RALGAPA1: variants seen among roughly 807,000 people sequenced by gnomAD.
RALGAPA1 encodes the protein Ral GTPase activating protein catalytic subunit alpha 1, also known as ral GTPase-activating protein subunit alpha-1.
A neutral mutation model predicts 269.6 loss-of-function variants in RALGAPA1; 52 were observed. The observed-to-expected ratio is 0.19, with a 90% CI of 0.15 to 0.24. The LOEUF is 0.24. Ranked by LOEUF, RALGAPA1 falls within the 10% of genes least tolerant of loss-of-function variation. RALGAPA1 has a pLI of 1.00. For synonymous variants in RALGAPA1, 817 were observed against 1,008.3 expected, an observed-to-expected ratio of 0.81 and a Z score of 3.60; for missense variants, 1,917 against 3,013.9, an observed-to-expected ratio of 0.64 and a Z score of 8.52.
chr14:35,570,552 G>C (rs1341871369), intron 39 of RALGAPA1, 65 bp downstream of exon 39: 1 of 1,303,948 alleles, frequency 7.7e-7, no homozygotes, highest in African/African-American at 1.5e-5. Context: ...CAATATATAA[G>C]AAATATTTAC....
At chr14:35,578,175 G>A (rs952938896) in intron 37 of RALGAPA1, among the ~76,000 whole-genome samples, 1 of 152,148 alleles carries the variant, frequency 6.6e-6, no homozygotes, top group African/African-American at 2.4e-5. Flanking sequence ...GTACAGTGGA[G>A]GAGACAGAGT....
At chr14:35,545,044 A>C (rs1566642547) in intron 41 of RALGAPA1, among the ~76,000 whole-genome samples, 1 of 152,190 alleles carries the variant, frequency 6.6e-6, no homozygotes, top group African/African-American at 2.4e-5. Context: ...AAACAAAAAC[A>C]AAAACCAAAC....
intron 1 of RALGAPA1, among the ~76,000 whole-genome samples, chr14:35,794,625 T>C (rs1567245737): frequency 6.6e-6 from 1 of 151,842 alleles, no homozygotes; most frequent in Non-Finnish European, 1.5e-5. Context: ...CCCGGCTAAT[T>C]TTTTTGTATT....
At chr14:35,595,250 T>C (rs1198496921) in intron 37 of RALGAPA1, among the ~76,000 whole-genome samples, 1 of 151,966 alleles carries the variant, frequency 6.6e-6, no homozygotes, top group East Asian at 1.9e-4. Flanking sequence ...AAAAATTGTA[T>C]GGTATTTGGA....
chr14:35,566,705 ATAAG>A (rs1352623364), intron 39 of RALGAPA1, among the ~76,000 whole-genome samples: 6 of 151,788 alleles, frequency 4.0e-5, no homozygotes, highest in African/African-American at 1.4e-4. Context: ...TGTTTCTGAA[ATAAG>A]TATTTATTTA....
intron 26 of RALGAPA1, among the ~76,000 whole-genome samples, chr14:35,670,025 G>A (rs1297810228): frequency 2.6e-5 from 4 of 152,178 alleles, no homozygotes. Context: ...GAAAAACAGG[G>A]TTATACAGCT....
At chr14:35,630,889 A>C (rs1237325267) in intron 33 of RALGAPA1, among the ~76,000 whole-genome samples, 1 of 152,082 alleles carries the variant, frequency 6.6e-6, no homozygotes, top group Non-Finnish European at 1.5e-5. Context: ...TAAAAAAGAA[A>C]ATAAATAAAT....
At position 35,723,283 on chromosome 14, in the gene RALGAPA1, G is replaced by T; in HGVS notation, c.1867-19C>A. 7.3e-7 allele frequency: 1 copy of T among 1,367,500 alleles called. No individual in the cohort carries two copies. Among genetic ancestry groups the T allele is most frequent in the Non-Finnish European group, 1.0e-6 (1 of 978,786 alleles). 84.7% of individuals were successfully genotyped at this position (1,367,500 alleles called of 1,614,324 possible). A position where few individuals can be genotyped will look rare whatever the true frequency, so the allele number is the denominator to read the frequency against. ...TAAGGGTCTATAAAGACAAATATCA[G>T]AAATAACAATAAAATGTGTTTAGTG... On this transcript the variant is annotated intron_variant, in intron 14 of 41. Coordinates refer to ENST00000680220, the MANE Select transcript of RALGAPA1 (RefSeq NM_001346249.2).
Position 35,690,797 on chromosome 14 carries a change from C to A in RALGAPA1, c.2408-794G>T, listed in dbSNP as rs142971957. On this transcript the variant is annotated intron_variant, in intron 17 of 41. Coordinates refer to ENST00000680220, the MANE Select transcript of RALGAPA1 (RefSeq NM_001346249.2). The stretch of plus-strand genomic sequence containing the variant: ...CTTTTTAAGAATTATAGGCTGGGCG[C>A]GGTGGCTCACACCTATAATCCCAGC... 4.4e-3 allele frequency among the ~76,000 whole-genome samples: 665 copies of A among 152,126 alleles called. 5 individuals carry two copies. The highest frequency in any genetic ancestry group is 0.015 in the African/African-American group (637 of 41,504).
intron 37 of RALGAPA1, among the ~76,000 whole-genome samples, chr14:35,591,171 TC>T (rs1235164109): frequency 5.3e-5 from 8 of 152,318 alleles, no homozygotes; most frequent in African/African-American, 1.9e-4. Flanking sequence ...TCAATATCAT[TC>T]TATGATACCC....
chr14:35,728,329 A>T (rs1313785277), intron 13 of RALGAPA1, 33 bp downstream of exon 13: 1 of 1,496,276 alleles, frequency 6.7e-7, no homozygotes, highest in Non-Finnish European at 8.9e-7. Context: ...CACAATAAAA[A>T]CACATAGACA....
chr14:35,681,670 A>T (rs939522068), intron 21 of RALGAPA1, among the ~76,000 whole-genome samples: 1 of 152,174 alleles, frequency 6.6e-6, no homozygotes, highest in African/African-American at 2.4e-5. Flanking sequence ...TTTTTTAAAC[A>T]CACCCACCTT....
intron 7 of RALGAPA1, among the ~76,000 whole-genome samples, chr14:35,754,047 G>A (rs752825274): frequency 2.4e-4 from 37 of 152,012 alleles, no homozygotes; most frequent in Non-Finnish European, 4.4e-4. Context: ...CCTGGCAGAC[G>A]CTACCTTAAT....
At chr14:35,554,636 G>A (rs760360901) in intron 39 of RALGAPA1, among the ~76,000 whole-genome samples, 7 of 152,086 alleles carry the variant, frequency 4.6e-5, no homozygotes, top group Non-Finnish European at 7.4e-5. Context: ...GTGAGCCACC[G>A]CGCCCGGCCT....
intron 33 of RALGAPA1, among the ~76,000 whole-genome samples, chr14:35,634,070 G>A (rs1594903762): frequency 6.6e-6 from 1 of 152,066 alleles, no homozygotes; most frequent in Non-Finnish European, 1.5e-5. Context: ...AGACTCCAAA[G>A]CTATATTTTT....
At chr14:35,548,480 G>A (rs777258907) in intron 41 of RALGAPA1, 28 bp downstream of exon 41, 2 of 1,518,622 alleles carry the variant, frequency 1.3e-6, no homozygotes, top group Admixed American at 2.1e-5. Context: ...GAAGAACAGA[G>A]GGTGTTTTGG....
rs2074926794 is a variant in RALGAPA1, at chr14:35,775,131, G to T, written c.218-76C>A. On this transcript the variant is annotated intron_variant, in intron 2 of 41. Transcript: ENST00000680220. ...AATGAACTTAAAATATTTCAAGAAT[G>T]AAGGTTTTTTTTTTCCCAGCAATTA... 3 of 861,866 alleles carry T rather than the reference G, an allele frequency of 3.5e-6. No homozygotes were observed. In the Admixed American group the frequency reaches 8.2e-5, roughly 24 times the overall value. 53.4% of individuals were successfully genotyped at this position (861,866 alleles called of 1,614,324 possible). A position where few individuals can be genotyped will look rare whatever the true frequency, so the allele number is the denominator to read the frequency against.
chr14:35,684,293 T>C (rs2065726367), intron 20 of RALGAPA1, among the ~76,000 whole-genome samples: 10 of 152,204 alleles, frequency 6.6e-5, no homozygotes, highest in Admixed American at 6.5e-4. Context: ...CCAAGTGCAA[T>C]ATAGAATTAT....
At position 35,564,631 on chromosome 14, in the gene RALGAPA1, T is replaced by G. The variant is rs1239735888; in HGVS notation, c.7496+5986A>C. 2.0e-5 allele frequency: 3 copies of G among 152,100 alleles called. No individual in the cohort carries two copies. In the East Asian group the frequency reaches 5.8e-4, roughly 29 times the overall value. The allele number at this position is 152,100 out of a possible 1,614,324, so 9.4% of individuals were successfully genotyped here. A position where few individuals can be genotyped will look rare whatever the true frequency, so the allele number is the denominator to read the frequency against. ...TCAAATCTAAACAGATTAGAAGAAA[T>G]CAAACGATACTAGTTGTGGTAGGAA... On this transcript the variant is annotated intron_variant, in intron 39 of 41. Transcript: ENST00000680220.
Sources: gnomAD v4.1 joint callset for allele counts (sites outside exome capture counted in the v4.1 genomes callset) on GRCh38, gnomAD v4.1.1 for gene constraint, MANE v1.5 for transcripts, NCBI Gene and HGNC (gene_info 2026-07-23, HGNC 2026-07-21) for gene names.